CCDC180: variants seen among roughly 807,000 people sequenced by gnomAD.
CCDC180 encodes the protein coiled-coil domain containing 180, also known as coiled-coil domain-containing protein 180.
CCDC180 carries 154 observed loss-of-function variants against 209.2 expected under a neutral mutation model. The ratio of observed to expected loss-of-function variants is 0.74; its 90% CI spans 0.65 to 0.84. The LOEUF (loss-of-function observed/expected upper bound fraction) is 0.84, where lower values mean the gene tolerates loss of function less well. CCDC180 is among the 40% of genes least tolerant of loss of function. The pLI, the probability that CCDC180 is intolerant of heterozygous loss-of-function variation, is 0.00. For synonymous variants in CCDC180, 778 were observed against 749.1 expected, an observed-to-expected ratio of 1.04 and a Z score of -0.63; for missense variants, 1,874 against 1,997.3, an observed-to-expected ratio of 0.94 and a Z score of 1.18.
At chr9:97,350,387 G>C in intron 21 of CCDC180, 22 bp from the exon 22 acceptor site, 6 of 1,534,120 alleles carry the variant, frequency 3.9e-6, no homozygotes, top group Non-Finnish European at 5.2e-6. Context: ...TCACTGTCCT[G>C]TTCCTCCTCT....
chr9:97,320,652 G>A (rs1564150126), intron 11 of CCDC180, among the ~76,000 whole-genome samples: 1 of 152,202 alleles, frequency 6.6e-6, no homozygotes, highest in Non-Finnish European at 1.5e-5. Flanking sequence ...CCCTACTTGT[G>A]GGGTGGATGT....
chr9:97,309,966 A>C (rs1361817054), intron 3 of CCDC180, among the ~76,000 whole-genome samples: 1 of 152,166 alleles, frequency 6.6e-6, no homozygotes, highest in African/African-American at 2.4e-5. Flanking sequence ...GAGGAGGAGG[A>C]TCAGCTGAAA....
chr9:97,312,173 A>C lies in CCDC180; in HGVS notation c.321A>C (p.Arg107=), dbSNP rs1391624515. ...ARESENTIAA[R]EVRGLMDTIV... ...AGAGTGAGAACACCATCGCTGCCCG[A>C]GAAGTGCGGGGTCTCATGGATACTA... is the stretch of plus-strand genomic sequence containing the variant. The change falls in exon 4 of 37, where the codon CGA becomes CGC. Residue 107 remains arginine (R), a synonymous_variant. Coordinates refer to ENST00000529487, the MANE Select transcript of CCDC180 (RefSeq NM_020893.6). 1 of 1,614,084 alleles carries C rather than the reference A, an allele frequency of 6.2e-7. No individual in the cohort carries two copies. The highest frequency in any genetic ancestry group is 1.1e-5 in the South Asian group (1 of 91,078).
chr9:97,337,106 C>A (rs1432757958), intron 18 of CCDC180, among the ~76,000 whole-genome samples: 2 of 152,194 alleles, frequency 1.3e-5, no homozygotes, highest in Non-Finnish European at 2.9e-5. Flanking sequence ...AGGTCATCTG[C>A]AAACAGGGAC....
chr9:97,342,526 G>A (rs1244499008), intron 18 of CCDC180, among the ~76,000 whole-genome samples: 1 of 152,174 alleles, frequency 6.6e-6, no homozygotes, highest in Non-Finnish European at 1.5e-5. Context: ...GTGATCCACT[G>A]CCTCAGCCTC....
chr9:97,368,781 G>T (rs573495423), intron 31 of CCDC180, among the ~76,000 whole-genome samples: 1 of 152,212 alleles, frequency 6.6e-6, no homozygotes, highest in Non-Finnish European at 1.5e-5. Flanking sequence ...TTCAGTTCAG[G>T]CCTCAAAGGA....
intron 19 of CCDC180, 137 bp downstream of exon 19, chr9:97,343,700 G>A: frequency 1.5e-6 from 1 of 676,938 alleles, no homozygotes; most frequent in Non-Finnish European, 2.4e-6. Flanking sequence ...GGAAGGTAGG[G>A]GTGAGAAACA....
At chr9:97,325,816 C>T (rs1430075862) in intron 14 of CCDC180, among the ~76,000 whole-genome samples, 1 of 152,220 alleles carries the variant, frequency 6.6e-6, no homozygotes, top group Non-Finnish European at 1.5e-5. Flanking sequence ...CTCTCTCATT[C>T]AAAGAAGCCA....
chr9:97,320,291 G>A (rs759040093), intron 11 of CCDC180, 86 bp downstream of exon 11: 53 of 1,247,498 alleles, frequency 4.2e-5, no homozygotes, highest in Non-Finnish European at 5.8e-5. Flanking sequence ...AATGAGTGGC[G>A]CCGCCATCAT....
At chr9:97,355,074 C>A in intron 24 of CCDC180, 66 bp downstream of exon 24, 1 of 1,061,624 alleles carries the variant, frequency 9.4e-7, no homozygotes, top group South Asian at 1.3e-5. Flanking sequence ...GCACTGTCCC[C>A]GGTGCTAGGA....
rs58406146 is a variant in CCDC180 at position 97,320,094 on chromosome 9, G to A, written c.1080-32G>A. The A allele has an allele frequency of 1.6e-3, 2,512 of 1,580,374 alleles. 32 individuals are homozygous for A. In the African/African-American group the frequency reaches 0.029, roughly 18 times the overall value. ...TTTGGTGAGTAAACGGTTTGTTCCT[G>A]TGTGGCTTACTTGCTGTATCTTCCT... On this transcript the variant is annotated intron_variant, in intron 10 of 36. Transcript: ENST00000529487.
At chr9:97,342,131 C>G (rs946232022) in intron 18 of CCDC180, among the ~76,000 whole-genome samples, 2 of 152,248 alleles carry the variant, frequency 1.3e-5, no homozygotes, top group African/African-American at 4.8e-5. Flanking sequence ...TTGCGCTTCC[C>G]GGGTGAGGCG....
chr9:97,311,186 C>T (rs1218973211), intron 3 of CCDC180, among the ~76,000 whole-genome samples: 2 of 152,166 alleles, frequency 1.3e-5, no homozygotes, highest in African/African-American at 4.8e-5. Flanking sequence ...TAAACCAAGC[C>T]CCAAGTCCCT....
chr9:97,314,449 G>A lies in CCDC180; in HGVS notation c.516G>A (p.Glu172=). The part of the protein sequence containing the change: ...TGGLFLKKLT[E]SDEEMNRLFL... ...GACTTTTTTTGAAGAAGCTGACTGAGTCTGATGAAGAAATGAACCGTCTCT... is the reference window on the plus strand; with the variant it reads ...GACTTTTTTTGAAGAAGCTGACTGAATCTGATGAAGAAATGAACCGTCTCT... The change falls in exon 6 of 37, where the codon GAG becomes GAA. Residue 172 remains glutamate (E), a synonymous_variant. Coordinates refer to ENST00000529487, the MANE Select transcript of CCDC180 (RefSeq NM_020893.6). 4 of 1,614,128 alleles carry A rather than the reference G, an allele frequency of 2.5e-6. No homozygotes were observed. Among genetic ancestry groups the A allele is most frequent in the Non-Finnish European group, 3.4e-6 (4 of 1,180,018 alleles).
At chr9:97,370,456 C>T (rs1031841232) in intron 32 of CCDC180, among the ~76,000 whole-genome samples, 185 bp from the exon 33 acceptor site, 1 of 152,020 alleles carries the variant, frequency 6.6e-6, no homozygotes, top group Non-Finnish European at 1.5e-5. Context: ...CTCTTCCAAA[C>T]CCCCGAGTCA....
intron 28 of CCDC180, among the ~76,000 whole-genome samples, chr9:97,363,329 C>A (rs1250453220): frequency 6.6e-6 from 1 of 152,178 alleles, no homozygotes; most frequent in Non-Finnish European, 1.5e-5. Flanking sequence ...GGACTGTCCC[C>A]AAAGATGACA....
intron 18 of CCDC180, among the ~76,000 whole-genome samples, chr9:97,336,342 A>T (rs184564818): frequency 6.6e-6 from 1 of 152,110 alleles, no homozygotes; most frequent in African/African-American, 2.4e-5. Flanking sequence ...TTTTTGTGTA[A>T]GGTGTAAGGA....
chr9:97,326,415 C>T (rs1833535691), intron 14 of CCDC180, 139 bp from the exon 15 acceptor site: 3 of 653,558 alleles, frequency 4.6e-6, no homozygotes. Context: ...GATTGGGTAC[C>T]CCATTTGTAG....
upstream of CCDC180, chr9:97,307,354 C>A: frequency 2.0e-6 from 1 of 489,298 alleles, no homozygotes; most frequent in Non-Finnish European, 4.0e-6. Context: ...GCTGGACCGG[C>A]CCTGGCTGCC....
Sources: gnomAD v4.1 joint callset for allele counts (sites outside exome capture counted in the v4.1 genomes callset) on GRCh38, gnomAD v4.1.1 for gene constraint, MANE v1.5 for transcripts, NCBI Gene and HGNC (gene_info 2026-07-23, HGNC 2026-07-21) for gene names.